Variants in SLIT2 observed in about 807,000 individuals in gnomAD.
The protein encoded by SLIT2 is slit homolog 2 protein.
In SLIT2, 41 loss-of-function variants were observed where a neutral mutation model predicts 185.7. The observed-to-expected ratio is 0.22, with a 90% CI of 0.17 to 0.29. The LOEUF is 0.29. Among genes scored for constraint, SLIT2 ranks in the 10% least tolerant of loss-of-function variants. The pLI, the probability that SLIT2 is intolerant of heterozygous loss-of-function variation, is 1.00. For missense variants in SLIT2, 1,571 were observed against 1,909.0 expected, an observed-to-expected ratio of 0.82 and a Z score of 3.30; for synonymous variants, 693 against 680.2, an observed-to-expected ratio of 1.02 and a Z score of -0.29.
At chr4:20,600,615 G>A (rs907524914) in intron 33 of SLIT2, among the ~76,000 whole-genome samples, 6 of 151,686 alleles carry the variant, frequency 4.0e-5, no homozygotes, top group Admixed American at 6.6e-5. Flanking sequence ...TAGTAAAGAC[G>A]TGGTTTCACC....
chr4:20,268,757 CATT>C (rs1713297552), intron 3 of SLIT2, 50 bp from the exon 4 acceptor site: 7 of 1,091,622 alleles, frequency 6.4e-6, no homozygotes, highest in Admixed American at 1.7e-5. Flanking sequence ...ATCACAGTCT[CATT>C]GTTGGGTATT....
At chr4:20,561,009 T>A (rs146886765) in intron 26 of SLIT2, among the ~76,000 whole-genome samples, 114 of 151,934 alleles carry the variant, frequency 7.5e-4, no homozygotes, top group African/African-American at 2.6e-3. Flanking sequence ...ATGTGTAAGA[T>A]GCTAATAATA....
chr4:20,553,670 G>A (rs370547821), intron 25 of SLIT2, 135 bp from the exon 26 acceptor site: 16 of 795,428 alleles, frequency 2.0e-5, no homozygotes, highest in Admixed American at 3.9e-5. Flanking sequence ...ATAAATCTAT[G>A]GGGATTTTCT....
intron 5 of SLIT2, among the ~76,000 whole-genome samples, chr4:20,471,513 T>G (rs1396142150): frequency 1.3e-5 from 2 of 152,170 alleles, no homozygotes; most frequent in Non-Finnish European, 2.9e-5. Context: ...ATGATGCCAT[T>G]GTGGCTACTG....
intron 4 of SLIT2, among the ~76,000 whole-genome samples, chr4:20,417,837 A>G (rs1362701111): frequency 1.3e-5 from 2 of 152,010 alleles, no homozygotes; most frequent in African/African-American, 4.8e-5. Context: ...TCATCTTCAC[A>G]TAGCCAACTC....
chr4:20,614,172 C>T lies in SLIT2; in HGVS notation c.3848-2738C>T, dbSNP rs950179887. 1.1e-4 allele frequency among the ~76,000 whole-genome samples: 17 copies of T among 152,016 alleles called. 1 individual carries two copies. Among genetic ancestry groups the T allele is most frequent in the Non-Finnish European group, 1.8e-4 (12 of 68,016 alleles). On this transcript the variant is annotated intron_variant, in intron 34 of 36. Transcript: ENST00000504154. The stretch of plus-strand genomic sequence containing the variant: ...ACATGCATGAGCCACTGCGCTCGGC[C>T]GACACAAAATAATTTAGTTTTCATG...
chr4:20,482,821 A>C (rs1443472510), intron 6 of SLIT2, among the ~76,000 whole-genome samples: 4 of 151,930 alleles, frequency 2.6e-5, no homozygotes, highest in Non-Finnish European at 5.9e-5. Flanking sequence ...TTGATCAGAC[A>C]TTACTTTAAA....
intron 4 of SLIT2, among the ~76,000 whole-genome samples, chr4:20,359,989 G>GAGC (rs768927568): frequency 5.3e-5 from 8 of 152,094 alleles, no homozygotes; most frequent in Non-Finnish European, 1.0e-4. Context: ...AGTATTCAGT[G>GAGC]AGCAGCACAG....
chr4:20,404,108 G>A lies in SLIT2; in HGVS notation c.396-63644G>A, dbSNP rs546140973. Among the ~76,000 whole-genome samples the A allele has an allele frequency of 5.9e-5, 9 of 152,014 alleles. No individual in the cohort carries two copies. In the South Asian group the frequency reaches 1.9e-3, roughly 32 times the overall value. On this transcript the variant is annotated intron_variant, in intron 4 of 36. Coordinates refer to ENST00000504154, the MANE Select transcript of SLIT2 (RefSeq NM_004787.4). ...AGTTGCATCATTGTTTCATTAGTGTGTGCATTCTTAGTCAACAACAGAGAA... is the reference window on the plus strand; with the variant it reads ...AGTTGCATCATTGTTTCATTAGTGTATGCATTCTTAGTCAACAACAGAGAA...
chr4:20,398,470 G>A (rs962372045), intron 4 of SLIT2, among the ~76,000 whole-genome samples: 7 of 151,764 alleles, frequency 4.6e-5, no homozygotes, highest in Non-Finnish European at 4.4e-5. Context: ...AGAGTTATCC[G>A]TGTTTGCAAA....
intron 4 of SLIT2, among the ~76,000 whole-genome samples, chr4:20,432,017 T>TTG (rs1332588874): frequency 7.3e-6 from 1 of 137,560 alleles, no homozygotes; most frequent in East Asian, 2.0e-4. Context: ...GTGTGTGTGC[T>TTG]TGTGTGTGTG....
At chr4:20,411,826 C>T (rs1577603956) in intron 4 of SLIT2, among the ~76,000 whole-genome samples, 1 of 152,084 alleles carries the variant, frequency 6.6e-6, no homozygotes, top group Admixed American at 6.5e-5. Context: ...TTTAGTGTGT[C>T]ATTTTGACAC....
intron 30 of SLIT2, among the ~76,000 whole-genome samples, chr4:20,595,055 A>G (rs112407640): frequency 1.8e-4 from 28 of 152,278 alleles, no homozygotes; most frequent in African/African-American, 6.7e-4. Context: ...ACCATGGTGA[A>G]CAGGCTGAAA....
At chr4:20,349,174 T>C (rs996728698) in intron 4 of SLIT2, among the ~76,000 whole-genome samples, 4 of 152,216 alleles carry the variant, frequency 2.6e-5, no homozygotes, top group African/African-American at 9.6e-5. Context: ...GAAATGTTCA[T>C]GATACCCTCA....
intron 8 of SLIT2, 125 bp from the exon 9 acceptor site, chr4:20,491,636 T>G (rs1717787365): frequency 1.3e-6 from 1 of 763,942 alleles, no homozygotes; most frequent in Non-Finnish European, 2.1e-6. Context: ...ATAGGACCAT[T>G]TTATCATCAT....
chr4:20,277,562 A>G (rs887174364), intron 4 of SLIT2, among the ~76,000 whole-genome samples: 4 of 151,676 alleles, frequency 2.6e-5, no homozygotes, highest in African/African-American at 7.2e-5. Flanking sequence ...TAAAATGTTT[A>G]GAACACTGAC....
rs371113879 is a variant in SLIT2, at chr4:20,605,572, A to C, written c.3693-4441A>C. Among the ~76,000 whole-genome samples, 6 of 152,270 alleles carry C rather than the reference A, an allele frequency of 3.9e-5. No homozygotes were observed. In the East Asian group the frequency reaches 9.7e-4, roughly 25 times the overall value. On this transcript the variant is annotated intron_variant, in intron 33 of 36. Transcript: ENST00000504154. ...AGAGAGTTTATCAATACTTATCAGA[A>C]CCCAAAAGGATGCCATGCATTACAT...
chr4:20,531,374 A>G (rs999719701), intron 16 of SLIT2, among the ~76,000 whole-genome samples: 1 of 152,232 alleles, frequency 6.6e-6, no homozygotes, highest in Non-Finnish European at 1.5e-5. Flanking sequence ...AGAAAAGGCT[A>G]CATCTTACAT....
intron 4 of SLIT2, among the ~76,000 whole-genome samples, chr4:20,371,286 C>G (rs1425608204): frequency 6.6e-6 from 1 of 151,906 alleles, no homozygotes; most frequent in Non-Finnish European, 1.5e-5. Context: ...GGCCTTGATG[C>G]TCACACAGAC....
Sources: gnomAD v4.1 joint callset for allele counts (sites outside exome capture counted in the v4.1 genomes callset) on GRCh38, gnomAD v4.1.1 for gene constraint, MANE v1.5 for transcripts, NCBI Gene and HGNC (gene_info 2026-07-23, HGNC 2026-07-21) for gene names.